DCP2: variants seen among roughly 807,000 people sequenced by gnomAD.
DCP2 encodes the protein decapping mRNA 2, also known as m7GpppN-mRNA hydrolase.
DCP2 carries 30 observed loss-of-function variants against 56.1 expected under a neutral mutation model. That is an observed-to-expected ratio of 0.53 (90% CI 0.40 to 0.73). The LOEUF is 0.73. Among genes scored for constraint, DCP2 ranks in the 30% least tolerant of loss-of-function variants. The pLI, the probability that DCP2 is intolerant of heterozygous loss-of-function variation, is 0.00. For synonymous variants in DCP2, 197 were observed against 163.3 expected, an observed-to-expected ratio of 1.21 and a Z score of -1.57; for missense variants, 533 against 502.7, an observed-to-expected ratio of 1.06 and a Z score of -0.58.
At chr5:112,984,686 TAAAAAAAAAAAAA>T (rs60727810) in intron 1 of DCP2, 1 of 89,484 alleles carries the variant, frequency 1.1e-5, no homozygotes, top group African/African-American at 5.2e-5. Flanking sequence ...ATTTCTTAAT[TAAAAAAAAAAAAA>T]AAAAATATAT....
At chr5:113,013,225 C>T in intron 10 of DCP2, 96 bp from the exon 11 acceptor site, 1 of 1,317,040 alleles carries the variant, frequency 7.6e-7, no homozygotes, top group Non-Finnish European at 1.0e-6. Context: ...TAAATATATA[C>T]TCAAAACTAA....
chr5:112,999,626 CTT>C (rs760922948), intron 4 of DCP2, among the ~76,000 whole-genome samples: 63 of 137,868 alleles, frequency 4.6e-4, no homozygotes, highest in Middle Eastern at 3.9e-3. Context: ...CGCACCCAGC[CTT>C]TTTTTTTTTT....
At position 112,981,554 on chromosome 5, in the gene DCP2, T is replaced by C. The variant is rs191574007; in HGVS notation, c.54-4281T>C. 1.8e-3 allele frequency among the ~76,000 whole-genome samples: 279 copies of C among 152,294 alleles called. 2 individuals are homozygous for C. Among genetic ancestry groups the C allele is most frequent in the Admixed American group, 4.5e-3 (69 of 15,290 alleles). Reference sequence around the variant, plus strand: ...CTGAACAATAATGATACAGTGTAAATAGATATGTAGTTTTTACAGTAGAGG... The same window carrying C: ...CTGAACAATAATGATACAGTGTAAACAGATATGTAGTTTTTACAGTAGAGG... On this transcript the variant is annotated intron_variant, in intron 1 of 10. Transcript: ENST00000389063.
In DCP2 at chr5:113,008,057, T is replaced by A. The variant is rs1426018155; in HGVS notation, c.1047+15T>A. On this transcript the variant is annotated intron_variant, in intron 9 of 10. Transcript: ENST00000389063. The stretch of plus-strand genomic sequence containing the variant: ...ATTCTTTGATGGTAAGAGTTATAGC[T>A]GTCACACTAAGTAGGCAGTTCATCC... 3.2e-5 allele frequency: 52 copies of A among 1,602,332 alleles called. No homozygotes were observed. The highest frequency in any genetic ancestry group is 4.4e-5 in the Non-Finnish European group (51 of 1,170,368).
intron 8 of DCP2, 35 bp from the exon 9 acceptor site, chr5:113,007,903 A>G (rs750274953): frequency 1.8e-5 from 29 of 1,571,616 alleles, no homozygotes; most frequent in African/African-American, 1.5e-4. Context: ...ACATTATGCT[A>G]TAGATTCATA....
chr5:112,987,402 G>A (rs1401001843), intron 2 of DCP2, among the ~76,000 whole-genome samples: 2 of 152,102 alleles, frequency 1.3e-5, no homozygotes, highest in Non-Finnish European at 1.5e-5. Flanking sequence ...GGTGATGATG[G>A]CATCGTATGG....
intron 3 of DCP2, 48 bp from the exon 4 acceptor site, chr5:112,992,624 C>T (rs1449610340): frequency 7.7e-7 from 1 of 1,306,014 alleles, no homozygotes; most frequent in African/African-American, 1.5e-5. Flanking sequence ...TAGAAAGGAG[C>T]ATGGAAAAGG....
intron 1 of DCP2, chr5:112,984,703 A>AAAAAAAAATATATAT: frequency 1.5e-5 from 1 of 64,858 alleles, no homozygotes; most frequent in African/African-American, 7.9e-5. Flanking sequence ...AAAAAAAAAA[A>AAAAAAAAATATATAT]ATATATATAT....
intron 8 of DCP2, among the ~76,000 whole-genome samples, chr5:113,005,145 C>CGTGTGG (rs1554101192): frequency 4.1e-3 from 23 of 5,578 alleles, no homozygotes; most frequent in African/African-American, 9.1e-3. Context: ...AAAAAGTGTG[C>CGTGTGG]GTGTGGGTGT....
intron 4 of DCP2, among the ~76,000 whole-genome samples, chr5:112,994,783 T>C (rs1289100305): frequency 3.3e-5 from 5 of 152,206 alleles, no homozygotes; most frequent in African/African-American, 7.2e-5. Flanking sequence ...CTAGAGACTT[T>C]AGTCACTTAA....
intron 4 of DCP2, among the ~76,000 whole-genome samples, chr5:112,993,567 G>A (rs1420458959): frequency 2.0e-5 from 3 of 150,234 alleles, no homozygotes; most frequent in Admixed American, 6.6e-5. Flanking sequence ...CAGAGGTTGC[G>A]GTGAGCCGAG....
intron 8 of DCP2, among the ~76,000 whole-genome samples, chr5:113,006,112 A>G (rs1485752310): frequency 7.2e-6 from 1 of 138,912 alleles, no homozygotes; most frequent in Non-Finnish European, 1.5e-5. Flanking sequence ...GTGGGACCCT[A>G]TCTCCAAAAA....
chr5:112,993,761 C>A (rs867282243), intron 4 of DCP2, among the ~76,000 whole-genome samples: 4 of 151,940 alleles, frequency 2.6e-5, no homozygotes, highest in Non-Finnish European at 5.9e-5. Flanking sequence ...TCCCTTTTCC[C>A]TGAAGGACTG....
rs765053562 is a variant in DCP2, at chr5:112,992,764, T to C, written c.426T>C (p.Ala142=). The part of the protein sequence containing the change: ...NKEEAPHDCA[A]REVFEETGFD... ...AAGAAGCTCCTCATGATTGTGCTGC[T>C]AGAGAGGTAAGTTATTCCATTTTGA... The change falls in exon 4 of 11, where the codon GCT becomes GCC. Residue 142 remains alanine (A), a synonymous_variant. Transcript: ENST00000389063. 16 of 1,569,406 alleles carry C rather than the reference T, an allele frequency of 1.0e-5. No homozygotes were observed. Among genetic ancestry groups the C allele is most frequent in the African/African-American group, 1.4e-5 (1 of 71,412 alleles).
At chr5:113,006,634 T>A (rs1396280619) in intron 8 of DCP2, among the ~76,000 whole-genome samples, 1 of 152,002 alleles carries the variant, frequency 6.6e-6, no homozygotes. Flanking sequence ...ATATATATAT[T>A]TTAGAAGTTC....
chr5:113,008,115 A>T, intron 9 of DCP2, 73 bp downstream of exon 9: 1 of 1,239,060 alleles, frequency 8.1e-7, no homozygotes, highest in South Asian at 1.3e-5. Flanking sequence ...TTGCCAAAGC[A>T]CAGGAATGTT....
At chr5:113,005,359 A>G (rs1003309407) in intron 8 of DCP2, among the ~76,000 whole-genome samples, 3 of 152,232 alleles carry the variant, frequency 2.0e-5, no homozygotes, top group African/African-American at 7.2e-5. Context: ...AATGACTTGA[A>G]TAGACAGTTC....
rs535355367 is a variant in DCP2, at chr5:113,014,661, CTG to C, written c.*1178_*1179del. 6.5e-6 allele frequency: 1 copy of C among 152,724 alleles called. No homozygotes were observed. The highest frequency in any genetic ancestry group is 2.1e-4 in the South Asian group (1 of 4,830). The allele number at this position is 152,724 out of a possible 1,614,324, so 9.5% of individuals were successfully genotyped here. A position where few individuals can be genotyped will look rare whatever the true frequency, so the allele number is the denominator to read the frequency against. The stretch of plus-strand genomic sequence containing the variant: ...ATTTTAAGGAGGATTTCAGCTATAA[CTG>C]AGGACAATCACCAGGGCGTTAAGGG... On this transcript the variant is annotated 3_prime_UTR_variant, in exon 11 of 11. Transcript: ENST00000389063.
At chr5:113,002,384 C>G (rs1749219773) in intron 7 of DCP2, among the ~76,000 whole-genome samples, 2 of 148,766 alleles carry the variant, frequency 1.3e-5, no homozygotes, top group African/African-American at 5.0e-5. Flanking sequence ...GATCATGCCA[C>G]TGTACTCCAG....
Sources: allele counts gnomAD v4.1 joint callset (sites outside exome capture counted in the v4.1 genomes callset), GRCh38; gene constraint gnomAD v4.1.1; transcripts MANE v1.5; gene names NCBI Gene and HGNC (gene_info 2026-07-23, HGNC 2026-07-21).